Variants in VPS13B observed in about 807,000 individuals in gnomAD.
The protein encoded by VPS13B is vacuolar protein sorting 13 homolog B.
Under a neutral mutation model 426.4 loss-of-function variants are expected in VPS13B, and 285 were observed. The observed-to-expected ratio is 0.67, with a 90% confidence interval of 0.61 to 0.74. VPS13B has a LOEUF of 0.74. Among genes scored for constraint, VPS13B ranks in the 30% least tolerant of loss-of-function variants. VPS13B has a pLI of 0.00. For synonymous variants in VPS13B, 1,676 were observed against 1,676.4 expected (o/e 1.00, Z 0.01); for missense variants, 4,537 against 4,782.6 (o/e 0.95, Z 1.51).
At chr8:99,201,555 T>A (rs1814326648) in intron 17 of VPS13B, among the ~76,000 whole-genome samples, 1 of 152,158 alleles carries the variant, frequency 6.6e-6, no homozygotes, top group South Asian at 2.1e-4. Context: ...GTCACTAATT[T>A]CTATTTTGTG....
intron 19 of VPS13B, among the ~76,000 whole-genome samples, chr8:99,275,927 G>A (rs1818870786): frequency 6.6e-6 from 1 of 152,148 alleles, no homozygotes; most frequent in African/African-American, 2.4e-5. Context: ...AGCTAGCAAC[G>A]TGATAGTAAT....
chr8:99,448,354 G>T (rs1818030814), intron 23 of VPS13B, among the ~76,000 whole-genome samples: 1 of 151,862 alleles, frequency 6.6e-6, no homozygotes, highest in African/African-American at 2.4e-5. Flanking sequence ...TATTCTCATT[G>T]ACCAAACCTA....
chr8:99,514,882 T>C (rs755244806), intron 29 of VPS13B, among the ~76,000 whole-genome samples: 7 of 152,216 alleles, frequency 4.6e-5, no homozygotes, highest in Non-Finnish European at 1.0e-4. Flanking sequence ...TGGAAGCCCT[T>C]GTGGATTAGA....
At chr8:99,342,425 A>G (rs763229877) in intron 19 of VPS13B, among the ~76,000 whole-genome samples, 1 of 152,208 alleles carries the variant, frequency 6.6e-6, no homozygotes, top group Non-Finnish European at 1.5e-5. Context: ...AGCCTCTGGT[A>G]ACCATCATTC....
intron 17 of VPS13B, among the ~76,000 whole-genome samples, chr8:99,212,977 T>C (rs1299402300): frequency 6.6e-6 from 1 of 152,196 alleles, no homozygotes; most frequent in Non-Finnish European, 1.5e-5. Flanking sequence ...TCTTAGTAAG[T>C]ATCCTCTGCA....
At chr8:99,047,696 T>C (rs1428179970) in intron 3 of VPS13B, among the ~76,000 whole-genome samples, 1 of 152,170 alleles carries the variant, frequency 6.6e-6, no homozygotes, top group East Asian at 1.9e-4. Flanking sequence ...CTTTTCTTTT[T>C]TTTATTTTTG....
chr8:99,538,971 TCA>T (rs1823407987), intron 30 of VPS13B, among the ~76,000 whole-genome samples: 1 of 152,230 alleles, frequency 6.6e-6, no homozygotes, highest in South Asian at 2.1e-4. Flanking sequence ...AAGGAAGAAC[TCA>T]CAGAATTTTT....
At chr8:99,360,168 TTCTTTCTTTCTTTCTTTCTTTCTCTC>T (rs1563687074) in intron 19 of VPS13B, among the ~76,000 whole-genome samples, 40 of 40,844 alleles carry the variant, frequency 9.8e-4, no homozygotes, top group African/African-American at 4.2e-3. Flanking sequence ...CTTTCTTTCT[TTCTTTCTTTCTTTCTTTCTTTCTCTC>T]TCTCTCTCTC....
intron 17 of VPS13B, among the ~76,000 whole-genome samples, chr8:99,273,661 G>A (rs1818729051): frequency 1.3e-5 from 2 of 151,948 alleles, no homozygotes; most frequent in Admixed American, 6.6e-5. Flanking sequence ...GAATGCGCCC[G>A]TAATCCCAAC....
chr8:99,789,694 G>A (rs901464377), intron 43 of VPS13B, among the ~76,000 whole-genome samples: 3 of 151,972 alleles, frequency 2.0e-5, no homozygotes, highest in African/African-American at 7.3e-5. Context: ...AGTAAAATCT[G>A]GCATAAGACT....
At chr8:99,454,269 C>G (rs1404498872) in intron 23 of VPS13B, among the ~76,000 whole-genome samples, 1 of 152,144 alleles carries the variant, frequency 6.6e-6, no homozygotes, top group African/African-American at 2.4e-5. Context: ...ACTGCAGCCT[C>G]AAACTCCTGT....
At chr8:99,691,585 A>T (rs1831668837) in intron 35 of VPS13B, among the ~76,000 whole-genome samples, 1 of 151,998 alleles carries the variant, frequency 6.6e-6, no homozygotes, top group Non-Finnish European at 1.5e-5. Context: ...CCGCTGCAAA[A>T]TCATGCCAAA....
intron 3 of VPS13B, among the ~76,000 whole-genome samples, chr8:99,054,818 T>G (rs1563510183): frequency 6.6e-6 from 1 of 152,166 alleles, no homozygotes; most frequent in Non-Finnish European, 1.5e-5. Context: ...CCAAGCACTA[T>G]TTGTTGAAGA....
chr8:99,423,573 G>C (rs1816505168), intron 21 of VPS13B, among the ~76,000 whole-genome samples: 1 of 151,920 alleles, frequency 6.6e-6, no homozygotes, highest in South Asian at 2.1e-4. Context: ...TGGCCGGCAT[G>C]TTTAAATTTG....
At chr8:99,457,310 G>A (rs902379359) in intron 23 of VPS13B, among the ~76,000 whole-genome samples, 2 of 152,290 alleles carry the variant, frequency 1.3e-5, no homozygotes, top group Admixed American at 6.5e-5. Flanking sequence ...GGGATTACAG[G>A]CATGAGCCAC....
At chr8:99,318,607 C>T (rs771225285) in intron 19 of VPS13B, among the ~76,000 whole-genome samples, 5 of 152,158 alleles carry the variant, frequency 3.3e-5, no homozygotes, top group Non-Finnish European at 7.3e-5. Flanking sequence ...GCAACCTCCA[C>T]CTCCTGGGTT....
At chr8:99,146,448 A>G (rs1163761681) in intron 13 of VPS13B, among the ~76,000 whole-genome samples, 2 of 152,230 alleles carry the variant, frequency 1.3e-5, no homozygotes, top group African/African-American at 4.8e-5. Flanking sequence ...ACTCTATGGT[A>G]AACCTTTATA....
At chr8:99,215,884 A>G (rs987672732) in intron 17 of VPS13B, among the ~76,000 whole-genome samples, 1 of 152,222 alleles carries the variant, frequency 6.6e-6, no homozygotes, top group Non-Finnish European at 1.5e-5. Context: ...AGACTTCACC[A>G]GTCAAGGTCC....
At chr8:99,243,488 T>A (rs1314057984) in intron 17 of VPS13B, among the ~76,000 whole-genome samples, 1 of 151,992 alleles carries the variant, frequency 6.6e-6, no homozygotes, top group East Asian at 1.9e-4. Context: ...CTTTTTTTTT[T>A]AAAGCAGTAG....
Sources: allele counts gnomAD v4.1 joint callset (sites outside exome capture counted in the v4.1 genomes callset), GRCh38; gene constraint gnomAD v4.1.1; transcripts MANE v1.5; gene names NCBI Gene and HGNC (gene_info 2026-07-23, HGNC 2026-07-21).